The following GLIS3 variants were observed in gnomAD, a reference collection of about 807,000 sequenced individuals.
The protein encoded by GLIS3 is GLIS family zinc finger 3, also known as zinc finger protein GLIS3.
In GLIS3, 53 loss-of-function variants were observed where a neutral mutation model predicts 78.6. The ratio of observed to expected loss-of-function variants is 0.67; its 90% CI spans 0.54 to 0.85. The LOEUF (loss-of-function observed/expected upper bound fraction) is 0.85. Ranked by LOEUF, GLIS3 falls within the 40% of genes least tolerant of loss-of-function variation. The probability of loss-of-function intolerance (pLI) is 0.00; values close to 1 mark genes in which losing one functional copy is unlikely to be tolerated. For missense variants in GLIS3, 1,703 were observed against 1,231.1 expected, an observed-to-expected ratio of 1.38 and a Z score of -5.74; for synonymous variants, 684 against 509.9, an observed-to-expected ratio of 1.34 and a Z score of -4.60.
chr9:4,344,621 C>A (rs1266691489), intron 2 of GLIS3, among the ~76,000 whole-genome samples: 1 of 152,182 alleles, frequency 6.6e-6, no homozygotes, highest in African/African-American at 2.4e-5. Context: ...TCCCAAATTT[C>A]ATTTTCAGTC....
At chr9:4,055,017 T>A (rs1002148807) in intron 4 of GLIS3, among the ~76,000 whole-genome samples, 3 of 151,756 alleles carry the variant, frequency 2.0e-5, no homozygotes, top group Admixed American at 6.6e-5. Context: ...TAAAAAATCA[T>A]GATTATGGTA....
At chr9:4,462,747 C>G in the GLIS3 span, among the ~76,000 whole-genome samples, 1 of 152,052 alleles carries the variant, frequency 6.6e-6, no homozygotes, top group East Asian at 1.9e-4. Context: ...AAGTTTGAGG[C>G]TGCAGTGAAC....
At chr9:4,444,882 G>A in the GLIS3 span, among the ~76,000 whole-genome samples, 1 of 152,172 alleles carries the variant, frequency 6.6e-6, no homozygotes, top group African/African-American at 2.4e-5. Context: ...AACCTCCATA[G>A]GGGCTCAGTT....
At chr9:4,239,342 T>A (rs1358195184) in intron 2 of GLIS3, among the ~76,000 whole-genome samples, 1 of 151,954 alleles carries the variant, frequency 6.6e-6, no homozygotes, top group Non-Finnish European at 1.5e-5. Context: ...AAAAAAAATG[T>A]TCTCTTAACC....
chr9:4,408,208 G>T, the GLIS3 span, among the ~76,000 whole-genome samples: 3 of 152,018 alleles, frequency 2.0e-5, no homozygotes, highest in Admixed American at 2.0e-4. Context: ...CAGCATGGAG[G>T]TTCCCTAGAA....
intron 9 of GLIS3, among the ~76,000 whole-genome samples, chr9:3,835,583 A>G (rs1456218020): frequency 6.6e-6 from 1 of 152,246 alleles, no homozygotes; most frequent in Non-Finnish European, 1.5e-5. Context: ...TTTTCAGAAG[A>G]AACAGTGACT....
intron 9 of GLIS3, among the ~76,000 whole-genome samples, chr9:3,837,743 A>G (rs750663492): frequency 6.6e-6 from 1 of 152,238 alleles, no homozygotes; most frequent in East Asian, 1.9e-4. Context: ...TAGAGACAGT[A>G]TAAGTCCGTG....
At chr9:3,893,822 G>A (rs1239263019) in intron 7 of GLIS3, among the ~76,000 whole-genome samples, 1 of 152,310 alleles carries the variant, frequency 6.6e-6, no homozygotes, top group Middle Eastern at 3.4e-3. Context: ...TGGGGGTAGG[G>A]CCCAGCAAAC....
chr9:4,308,009 C>T (rs370440956), intron 4 of GLIS3, among the ~76,000 whole-genome samples: 1 of 152,128 alleles, frequency 6.6e-6, no homozygotes, highest in East Asian at 1.9e-4. Flanking sequence ...TTCCTCTCTC[C>T]CTTCTCCCCC....
At chr9:4,084,351 G>A (rs1366214551) in intron 4 of GLIS3, among the ~76,000 whole-genome samples, 1 of 151,442 alleles carries the variant, frequency 6.6e-6, no homozygotes, top group Admixed American at 6.6e-5. Context: ...CTTATCTTGC[G>A]GTTCTCTACA....
intron 4 of GLIS3, among the ~76,000 whole-genome samples, chr9:4,107,595 A>G (rs1830860001): frequency 6.6e-6 from 1 of 152,216 alleles, no homozygotes. Context: ...ATTTTAATGC[A>G]TTGCAATAGT....
At position 4,009,803 on chromosome 9, in the gene GLIS3, T is replaced by C. The variant is rs904438288; in HGVS notation, c.1711-72614A>G. Among the ~76,000 whole-genome samples the C allele has an allele frequency of 1.3e-5, 2 of 152,162 alleles. 1 individual carries two copies. The highest frequency in any genetic ancestry group is 4.8e-5 in the African/African-American group (2 of 41,430). ...GCCCTCCAACCTGGGCAGGTCCACG[T>C]GGATTCACTGCACATGCAGAAGTGG... is the stretch of plus-strand genomic sequence containing the variant. On this transcript the variant is annotated intron_variant, in intron 4 of 10. Coordinates refer to ENST00000381971, the MANE Select transcript of GLIS3 (RefSeq NM_001042413.2).
At chr9:3,985,127 T>A (rs928684887) in intron 4 of GLIS3, among the ~76,000 whole-genome samples, 4 of 151,992 alleles carry the variant, frequency 2.6e-5, no homozygotes, top group African/African-American at 9.7e-5. Context: ...TTCCTCACCA[T>A]TTCAGTCAAA....
chr9:4,440,107 G>C, the GLIS3 span, among the ~76,000 whole-genome samples: 1 of 152,178 alleles, frequency 6.6e-6, no homozygotes, highest in Non-Finnish European at 1.5e-5. Context: ...TGTCAGACGT[G>C]TAGTTTTCAA....
At chr9:4,267,339 G>A (rs1448239972) in intron 2 of GLIS3, among the ~76,000 whole-genome samples, 1 of 152,126 alleles carries the variant, frequency 6.6e-6, no homozygotes, top group Non-Finnish European at 1.5e-5. Flanking sequence ...GCCCTTGAGG[G>A]TTAAGTGAAG....
At chr9:4,061,654 T>TTA (rs555276567) in intron 4 of GLIS3, among the ~76,000 whole-genome samples, 2 of 152,184 alleles carry the variant, frequency 1.3e-5, no homozygotes, top group South Asian at 4.1e-4. Flanking sequence ...TGTTGATACT[T>TTA]TTTTAGAGTC....
the GLIS3 span, among the ~76,000 whole-genome samples, chr9:4,464,318 A>G: frequency 2.6e-5 from 4 of 151,718 alleles, no homozygotes; most frequent in Non-Finnish European, 5.9e-5. Context: ...TGATTTTGAC[A>G]AGCAGTATTG....
intron 4 of GLIS3, among the ~76,000 whole-genome samples, chr9:3,949,045 G>A (rs1362047993): frequency 3.3e-5 from 5 of 152,158 alleles, no homozygotes; most frequent in Admixed American, 3.3e-4. Flanking sequence ...CCTCAACTAG[G>A]ATCATGGCCT....
intron 4 of GLIS3, among the ~76,000 whole-genome samples, chr9:4,025,512 C>T (rs974992588): frequency 3.9e-5 from 6 of 152,114 alleles, no homozygotes; most frequent in East Asian, 1.9e-4. Context: ...CTCAGCCTCC[C>T]GAGTAGCTGG....
Sources: allele counts gnomAD v4.1 joint callset (sites outside exome capture counted in the v4.1 genomes callset), GRCh38; gene constraint gnomAD v4.1.1; transcripts MANE v1.5; gene names NCBI Gene and HGNC (gene_info 2026-07-23, HGNC 2026-07-21).